The following BRIP1 variants were observed in gnomAD, a reference collection of about 807,000 sequenced individuals.
The protein encoded by BRIP1 is Fanconi anemia group J protein.
A neutral mutation model predicts 119.7 loss-of-function variants in BRIP1; 88 were observed. The ratio of observed to expected loss-of-function variants is 0.74; its 90% CI spans 0.62 to 0.88. The LOEUF is 0.88. Among genes scored for constraint, BRIP1 ranks in the 40% least tolerant of loss-of-function variants. The pLI is 0.00. For synonymous variants in BRIP1, 443 were observed against 496.5 expected, an observed-to-expected ratio of 0.89 and a Z score of 1.43; for missense variants, 1,259 against 1,455.4, an observed-to-expected ratio of 0.87 and a Z score of 2.20.
At chr17:61,749,748 A>C (rs2077108051) in intron 14 of BRIP1, among the ~76,000 whole-genome samples, 5 of 152,220 alleles carry the variant, frequency 3.3e-5, no homozygotes, top group African/African-American at 1.2e-4. Context: ...TTCAATATAC[A>C]AGTCTTTTAC....
At chr17:61,854,332 G>A (rs557116068) in intron 4 of BRIP1, among the ~76,000 whole-genome samples, 1 of 152,126 alleles carries the variant, frequency 6.6e-6, no homozygotes, top group South Asian at 2.1e-4. Flanking sequence ...GGTTCACAAG[G>A]ATGTGAAGAA....
Position 61,824,075 on chromosome 17 carries a change from A to G in BRIP1, c.628-15318T>C, listed in dbSNP as rs1474503905. The stretch of plus-strand genomic sequence containing the variant: ...GGTGATCCACCCGCCTCAGCCTCCC[A>G]AAGTGCTGGGATTACAGGCATGAGC... On this transcript the variant is annotated intron_variant, in intron 6 of 19. Coordinates refer to ENST00000259008, the MANE Select transcript of BRIP1 (RefSeq NM_032043.3). This position sits in a 1 kb window ranked among gnomAD's most constrained non-coding sequence, Gnocchi z 4.3. Among the ~76,000 whole-genome samples, 1 of 152,172 alleles carries G rather than the reference A, an allele frequency of 6.6e-6. No homozygotes were observed. The highest frequency in any genetic ancestry group is 1.5e-5 in the Non-Finnish European group (1 of 68,022).
At position 61,706,931 on chromosome 17, in the gene BRIP1, A is replaced by G. The variant is rs975526117; in HGVS notation, c.2492+9020T>C. 2.6e-5 allele frequency among the ~76,000 whole-genome samples: 4 copies of G among 152,254 alleles called. No homozygotes were observed. In the East Asian group the frequency reaches 7.7e-4, roughly 29 times the overall value. On this transcript the variant is annotated intron_variant, in intron 17 of 19. Transcript: ENST00000259008. The surrounding 1 kb of genome is among the most constrained non-coding windows in gnomAD (Gnocchi z 5.7). ...AATTTAGACTACTTGCTGCACTGTTATCATTCCAGAGTTTTCCTTCCTGGT... is the reference window on the plus strand; with the variant it reads ...AATTTAGACTACTTGCTGCACTGTTGTCATTCCAGAGTTTTCCTTCCTGGT...
At position 61,685,859 on chromosome 17, in the gene BRIP1, C is replaced by T. The variant is rs1060501732; in HGVS notation, c.2882G>A (p.Ser961Asn). ...ACTTTTCTCCTTTCTGGAGATAATG[C>T]TACTTGGTAGAGGTGAATTTTTGGT... is the stretch of plus-strand genomic sequence containing the variant. ...IITKNSPLPS[S>N]IISRKEKNDP... The change falls in exon 19 of 20, where the codon AGC (serine) becomes AAC (asparagine). Residue 961 changes from serine to asparagine, a missense_variant. This residue lies in a region of BRIP1 where 753 missense variants were observed against 891.8 expected (regional missense o/e 0.84). Transcript: ENST00000259008. 6.2e-7 allele frequency: 1 copy of T among 1,612,694 alleles called. No homozygotes were observed. Among genetic ancestry groups the T allele is most frequent in the South Asian group, 1.1e-5 (1 of 90,924 alleles).
intron 6 of BRIP1, among the ~76,000 whole-genome samples, chr17:61,836,978 T>C (rs566379787): frequency 1.9e-4 from 29 of 152,352 alleles, no homozygotes; most frequent in African/African-American, 6.7e-4. Flanking sequence ...GTTTGTGACA[T>C]GAACAAGTTA....
Position 61,862,811 on chromosome 17 carries a change from C to T in BRIP1, c.-31+473G>A, listed in dbSNP as rs865846067. On this transcript the variant is annotated intron_variant, in intron 1 of 19. Coordinates refer to ENST00000259008, the MANE Select transcript of BRIP1 (RefSeq NM_032043.3). The surrounding 1 kb of genome is among the most constrained non-coding windows in gnomAD (Gnocchi z 5.3). ...AAGCCAATAATAACATTCACCACTG[C>T]TTGTGTGCTCCAAAAGAAGAACCAT... Among the ~76,000 whole-genome samples, 1 of 152,160 alleles carries T rather than the reference C, an allele frequency of 6.6e-6. No individual in the cohort carries two copies. The highest frequency in any genetic ancestry group is 2.1e-4 in the South Asian group (1 of 4,830).
Position 61,743,985 on chromosome 17 carries a change from C to T in BRIP1, c.2257+447G>A, listed in dbSNP as rs1183544863. Among the ~76,000 whole-genome samples, 1 of 152,152 alleles carries T rather than the reference C, an allele frequency of 6.6e-6. No homozygotes were observed. The highest frequency in any genetic ancestry group is 1.5e-5 in the Non-Finnish European group (1 of 68,024). On this transcript the variant is annotated intron_variant, in intron 15 of 19. Coordinates refer to ENST00000259008, the MANE Select transcript of BRIP1 (RefSeq NM_032043.3). The surrounding 1 kb of genome is among the most constrained non-coding windows in gnomAD (Gnocchi z 4.3). Reference sequence around the variant, plus strand: ...TACAGGCAAGAGCCACCACGCCCGGCCTCACATCAAACTCTTCATGGATAT... The same window carrying T: ...TACAGGCAAGAGCCACCACGCCCGGTCTCACATCAAACTCTTCATGGATAT...
In BRIP1 at chr17:61,755,140, A is replaced by C. The variant is rs1423010256; in HGVS notation, c.2098-10549T>G. 6.6e-6 allele frequency among the ~76,000 whole-genome samples: 1 copy of C among 152,210 alleles called. No homozygotes were observed. ...AGTACCTTACATATAGAAAGTGGTC[A>C]GTAAATACTTTTTGAATGAATTTTA... On this transcript the variant is annotated intron_variant, in intron 14 of 19. Coordinates refer to ENST00000259008, the MANE Select transcript of BRIP1 (RefSeq NM_032043.3). This position sits in a 1 kb window ranked among gnomAD's most constrained non-coding sequence, Gnocchi z 4.5.
intron 16 of BRIP1, among the ~76,000 whole-genome samples, chr17:61,716,502 A>C (rs1383524114): frequency 6.6e-6 from 1 of 152,070 alleles, no homozygotes; most frequent in Non-Finnish European, 1.5e-5. Flanking sequence ...AGAATTTCAT[A>C]TAAATATTAT....
In BRIP1 at chr17:61,760,280, C is replaced by T. The variant is rs979447670; in HGVS notation, c.2098-15689G>A. Reference sequence around the variant, plus strand: ...AAAATGGAAACACAACATACCAAAACTTAAGGGATGCAGCAAACGTAGTCC... The same window carrying T: ...AAAATGGAAACACAACATACCAAAATTTAAGGGATGCAGCAAACGTAGTCC... On this transcript the variant is annotated intron_variant, in intron 14 of 19. Coordinates refer to ENST00000259008, the MANE Select transcript of BRIP1 (RefSeq NM_032043.3). The surrounding 1 kb of genome is among the most constrained non-coding windows in gnomAD (Gnocchi z 4.6). Among the ~76,000 whole-genome samples the T allele has an allele frequency of 3.3e-5, 5 of 151,712 alleles. No individual in the cohort carries two copies. The highest frequency in any genetic ancestry group is 6.6e-5 in the Admixed American group (1 of 15,192).
chr17:61,854,477 T>C (rs1322856728), intron 4 of BRIP1, among the ~76,000 whole-genome samples: 1 of 152,016 alleles, frequency 6.6e-6, no homozygotes, highest in African/African-American at 2.4e-5. Context: ...GAGGCACAGA[T>C]GGGTGGATCA....
rs147719946 is a variant in BRIP1, at chr17:61,700,257, T to C, written c.2493-6745A>G. 9.0e-4 allele frequency among the ~76,000 whole-genome samples: 137 copies of C among 152,300 alleles called. No individual in the cohort carries two copies. Among genetic ancestry groups the C allele is most frequent in the Non-Finnish European group, 1.7e-3 (113 of 68,030 alleles). On this transcript the variant is annotated intron_variant, in intron 17 of 19. Coordinates refer to ENST00000259008, the MANE Select transcript of BRIP1 (RefSeq NM_032043.3). This position sits in a 1 kb window ranked among gnomAD's most constrained non-coding sequence, Gnocchi z 4.1. ...GCAAGAAGTACCTTTATATTAACTT[T>C]TACATTTACGTATGTCGTTAACTTT... is the stretch of plus-strand genomic sequence containing the variant.
intron 6 of BRIP1, among the ~76,000 whole-genome samples, chr17:61,826,253 G>C (rs769805254): frequency 6.6e-6 from 1 of 151,966 alleles, no homozygotes; most frequent in Non-Finnish European, 1.5e-5. Context: ...AATTAAGATA[G>C]ATTAAAGACT....
Position 61,776,318 on chromosome 17 carries a change from G to A in BRIP1, c.2097+83C>T. On this transcript the variant is annotated intron_variant, in intron 14 of 19. Transcript: ENST00000259008. This position sits in a 1 kb window ranked among gnomAD's most constrained non-coding sequence, Gnocchi z 5.0. ...TTGCCTCTACCCTAGGAAGCTTACT[G>A]TGGTAATTTTAAAATTAGCATGCCA... 2 of 1,489,044 alleles carry A rather than the reference G, an allele frequency of 1.3e-6. No individual in the cohort carries two copies. Among genetic ancestry groups the A allele is most frequent in the Non-Finnish European group, 1.9e-6 (2 of 1,068,278 alleles). 92.2% of individuals were successfully genotyped at this position (1,489,044 alleles called of 1,614,324 possible).
chr17:61,772,157 TTATATATATA>T (rs71150699), intron 14 of BRIP1, among the ~76,000 whole-genome samples: 3,217 of 76,276 alleles, frequency 0.042, 90 homozygotes, highest in Non-Finnish European at 0.051. Flanking sequence ...AAATGTGAGA[TTATATATATA>T]TATATATATA....
rs989816753 is a variant in BRIP1 at position 61,701,546 on chromosome 17, G to A, written c.2493-8034C>T. ...ACTTCCTGCTTCAGCAGAGCACCAA[G>A]GTGATAGCTTAGGGCCTTTTCAGGT... On this transcript the variant is annotated intron_variant, in intron 17 of 19. Transcript: ENST00000259008. This position sits in a 1 kb window ranked among gnomAD's most constrained non-coding sequence, Gnocchi z 5.1. Among the ~76,000 whole-genome samples, 1 of 152,192 alleles carries A rather than the reference G, an allele frequency of 6.6e-6. No individual in the cohort carries two copies.
Position 61,844,778 on chromosome 17 carries a change from G to T in BRIP1, c.627+2323C>A, listed in dbSNP as rs1043853766. Among the ~76,000 whole-genome samples the T allele has an allele frequency of 2.0e-5, 3 of 152,198 alleles. No individual in the cohort carries two copies. The highest frequency in any genetic ancestry group is 7.2e-5 in the African/African-American group (3 of 41,462). On this transcript the variant is annotated intron_variant, in intron 6 of 19. Transcript: ENST00000259008. The surrounding 1 kb of genome is among the most constrained non-coding windows in gnomAD (Gnocchi z 4.7). ...GAGAATATAAAATAAAGTGATTAGGGCATTTGCCAGAACATGAGAATGCCT... is the reference window on the plus strand; with the variant it reads ...GAGAATATAAAATAAAGTGATTAGGTCATTTGCCAGAACATGAGAATGCCT...
chr17:61,839,123 C>T (rs2145682924), intron 6 of BRIP1, among the ~76,000 whole-genome samples: 1 of 152,034 alleles, frequency 6.6e-6, no homozygotes, highest in South Asian at 2.1e-4. Context: ...AATAAATTAC[C>T]TCTACTCATA....
Position 61,683,339 on chromosome 17 carries a change from G to A in BRIP1, c.3707C>T (p.Pro1236Leu), listed in dbSNP as rs1265133595. 6.2e-7 allele frequency: 1 copy of A among 1,610,982 alleles called. No homozygotes were observed. Among genetic ancestry groups the A allele is most frequent in the African/African-American group, 1.3e-5 (1 of 74,852 alleles). ...THEIEIKNFK[P>L]SPSKNKGMFP... is the part of the protein sequence containing the mutation. Reference sequence around the variant, plus strand: ...CATGCCTTTATTTTTGGAAGGAGATGGTTTAAAGTTCTTTATTTCTATTTC... The same window carrying A: ...CATGCCTTTATTTTTGGAAGGAGATAGTTTAAAGTTCTTTATTTCTATTTC... The change falls in exon 20 of 20, where the codon CCA (proline) becomes CTA (leucine). Residue 1236 changes from proline to leucine, a missense_variant. This residue lies in a region of BRIP1 where 753 missense variants were observed against 891.8 expected (regional missense o/e 0.84). Coordinates refer to ENST00000259008, the MANE Select transcript of BRIP1 (RefSeq NM_032043.3). This position sits in a 1 kb window ranked among gnomAD's most constrained non-coding sequence, Gnocchi z 4.7.
Sources: gnomAD v4.1 joint callset for allele counts (sites outside exome capture counted in the v4.1 genomes callset) on GRCh38, gnomAD v4.1.1 for gene constraint, gnomAD v4.1.1 regional missense constraint, Gnocchi (gnomAD v3.1) non-coding constraint, MANE v1.5 for transcripts, NCBI Gene and HGNC (gene_info 2026-07-23, HGNC 2026-07-21) for gene names.